TRPM8: variants seen among roughly 807,000 people sequenced by gnomAD.
TRPM8 encodes the protein TRPM8 cationic channel.
Under a neutral mutation model 133.7 loss-of-function variants are expected in TRPM8, and 110 were observed. That is an observed-to-expected ratio of 0.82 (90% CI 0.70 to 0.96). The LOEUF (loss-of-function observed/expected upper bound fraction) is 0.96. Ranked by LOEUF, TRPM8 falls within the 40% of genes least tolerant of loss-of-function variation. TRPM8 has a pLI of 0.00. For missense variants in TRPM8, 1,291 were observed against 1,379.5 expected, an observed-to-expected ratio of 0.94 and a Z score of 1.02; for synonymous variants, 535 against 532.3, an observed-to-expected ratio of 1.01 and a Z score of -0.07.
chr2:233,999,224 C>G (rs1204468350), intron 22 of TRPM8, among the ~76,000 whole-genome samples: 2 of 152,066 alleles, frequency 1.3e-5, no homozygotes, highest in African/African-American at 4.8e-5. Context: ...TGATTGGAAG[C>G]TGGACCCCAG....
At chr2:233,938,853 C>A in intron 4 of TRPM8, 145 bp from the exon 5 acceptor site, 1 of 829,208 alleles carries the variant, frequency 1.2e-6, no homozygotes, top group East Asian at 2.7e-5. Context: ...CGCCTGGGAC[C>A]CCCAATGCCG....
Position 233,996,525 on chromosome 2 carries a change from T to A in TRPM8, c.3130+9T>A, listed in dbSNP as rs1338812378. On this transcript the variant is annotated intron_variant, in intron 22 of 25. Transcript: ENST00000324695. ...GGAGTCTTCTGTCTGCTGTGAGTGG[T>A]TTATCCATGTGTACTTGGGATCAGA... The A allele has an allele frequency of 3.7e-6, 6 of 1,613,630 alleles. 1 individual carries two copies. In the South Asian group the frequency reaches 6.6e-5, roughly 18 times the overall value.
intron 22 of TRPM8, among the ~76,000 whole-genome samples, chr2:233,999,643 G>T (rs578136279): frequency 1.3e-5 from 2 of 152,038 alleles, no homozygotes; most frequent in African/African-American, 2.4e-5. Context: ...GCTTCTCACT[G>T]CCCGTCCTAC....
chr2:234,002,196 G>A (rs1400144387), intron 22 of TRPM8, among the ~76,000 whole-genome samples: 1 of 151,932 alleles, frequency 6.6e-6, no homozygotes, highest in Non-Finnish European at 1.5e-5. Flanking sequence ...AGAGGCAGAG[G>A]CTGAAATGGC....
intron 6 of TRPM8, chr2:233,943,065 A>ATTTTTTT (rs1327271011): frequency 1.6e-5 from 4 of 243,180 alleles, no homozygotes; most frequent in Admixed American, 1.2e-4. Flanking sequence ...CAACTGCAGT[A>ATTTTTTT]TCTTTTTTTT....
intron 3 of TRPM8, among the ~76,000 whole-genome samples, chr2:233,932,103 G>A (rs1691691415): frequency 6.6e-6 from 1 of 152,178 alleles, no homozygotes; most frequent in African/African-American, 2.4e-5. Context: ...AGTTACATAT[G>A]TTCAATCTAA....
rs1021548482 is a variant in TRPM8, at chr2:233,964,633, G to A, written c.1755G>A (p.Arg585=). 7.5e-6 allele frequency: 12 copies of A among 1,601,246 alleles called. No homozygotes were observed. In the Admixed American group the frequency reaches 1.0e-4, roughly 13 times the overall value. ...ELSKVIWEQT[R]GCTLAALGAS... is the part of the protein sequence containing the mutation. Reference sequence around the variant, plus strand: ...TTCTTCACCCCCCTAAAAAGACCAGGGGCTGCACTCTGGCAGCCCTGGGAG... The same window carrying A: ...TTCTTCACCCCCCTAAAAAGACCAGAGGCTGCACTCTGGCAGCCCTGGGAG... Residue 585 remains arginine, a synonymous_variant, in exon 14 of 26, where the codon AGG becomes AGA. Coordinates refer to ENST00000324695, the MANE Select transcript of TRPM8 (RefSeq NM_024080.5).
At chr2:233,927,940 C>T (rs56015328) in intron 2 of TRPM8, among the ~76,000 whole-genome samples, 112 of 63,864 alleles carry the variant, frequency 1.8e-3, no homozygotes, top group African/African-American at 6.6e-3. Context: ...CTCTCTCTCT[C>T]TCTCTCTCTC....
intron 17 of TRPM8, among the ~76,000 whole-genome samples, chr2:233,971,360 C>T (rs191138238): frequency 4.6e-5 from 7 of 152,300 alleles, no homozygotes; most frequent in African/African-American, 1.7e-4. Flanking sequence ...TTCTAGCCGT[C>T]CTGGGTTGAG....
rs1359644368 is a variant in TRPM8 at position 233,963,800 on chromosome 2, ATTACT to A, written c.1749+427_1749+431del. On this transcript the variant is annotated intron_variant, in intron 13 of 25. Coordinates refer to ENST00000324695, the MANE Select transcript of TRPM8 (RefSeq NM_024080.5). ...TTGTAAATGGTTTATGGACACTCACATTACTTTATTTTGAGAGATAAGCTTAGATA... is the reference window on the plus strand; with the variant it reads ...TTGTAAATGGTTTATGGACACTCACATTATTTTGAGAGATAAGCTTAGATA... Among the ~76,000 whole-genome samples, 5 of 152,340 alleles carry A rather than the reference ATTACT, an allele frequency of 3.3e-5. No homozygotes were observed. The East Asian group carries it at 5.8e-4, about 18-fold the overall frequency.
intron 17 of TRPM8, among the ~76,000 whole-genome samples, chr2:233,976,576 A>G (rs1211139028): frequency 6.6e-6 from 1 of 152,094 alleles, no homozygotes; most frequent in Non-Finnish European, 1.5e-5. Context: ...ACCCCTACCT[A>G]TTCTGTCTGC....
chr2:233,965,369 G>A (rs759837288), intron 14 of TRPM8, among the ~76,000 whole-genome samples: 3 of 152,142 alleles, frequency 2.0e-5, no homozygotes, highest in South Asian at 2.1e-4. Flanking sequence ...TGGAGTGGAC[G>A]ATACTGCACT....
At chr2:233,988,787 C>T (rs1178263694) in intron 21 of TRPM8, among the ~76,000 whole-genome samples, 1 of 152,164 alleles carries the variant, frequency 6.6e-6, no homozygotes, top group Non-Finnish European at 1.5e-5. Flanking sequence ...CAGCCAATGT[C>T]ATGATGTCCA....
At chr2:233,963,456 T>C in intron 13 of TRPM8, 79 bp downstream of exon 13, 1 of 805,952 alleles carries the variant, frequency 1.2e-6, no homozygotes, top group African/African-American at 1.7e-5. Context: ...AAAATTCGCA[T>C]GCCTAATATA....
At chr2:233,934,644 G>A (rs1191775008) in intron 3 of TRPM8, among the ~76,000 whole-genome samples, 2 of 152,226 alleles carry the variant, frequency 1.3e-5, no homozygotes. Context: ...AGAAGCATTT[G>A]TTCCTCATTA....
chr2:233,939,111 C>A lies in TRPM8; in HGVS notation c.462C>A (p.Asn154Lys), dbSNP rs750308343. Reference protein sequence around the residue: ...LVISVTGGAKNFALKPRMRKI... With the variant: ...LVISVTGGAKKFALKPRMRKI... Reference sequence around the variant, plus strand: ...TTTCTGTGACCGGGGGCGCCAAGAACTTCGCCCTGAAGCCGCGCATGCGCA... The same window carrying A: ...TTTCTGTGACCGGGGGCGCCAAGAAATTCGCCCTGAAGCCGCGCATGCGCA... The change falls in exon 5 of 26, where the codon AAC becomes AAA. Residue 154 changes from asparagine to lysine, a missense_variant. By Grantham distance (94) the Asn-to-Lys change is moderately conservative. Around this residue, in one of 2 missense-constraint regions of TRPM8, gnomAD observed 963 missense variants for 968.9 expected, o/e 0.99. Coordinates refer to ENST00000324695, the MANE Select transcript of TRPM8 (RefSeq NM_024080.5). 1 of 1,614,216 alleles carries A rather than the reference C, an allele frequency of 6.2e-7. No homozygotes were observed. Among genetic ancestry groups the A allele is most frequent in the Non-Finnish European group, 8.5e-7 (1 of 1,180,054 alleles).
At chr2:233,972,525 G>C (rs775081205) in intron 17 of TRPM8, among the ~76,000 whole-genome samples, 14 of 152,346 alleles carry the variant, frequency 9.2e-5, no homozygotes, top group Middle Eastern at 6.8e-3. Context: ...AGGGGGTGGC[G>C]CTCGTGGAGG....
intron 5 of TRPM8, among the ~76,000 whole-genome samples, chr2:233,940,883 G>A (rs549695425): frequency 1.3e-5 from 2 of 152,338 alleles, no homozygotes; most frequent in South Asian, 4.1e-4. Flanking sequence ...ATGGCGTGGG[G>A]AAAGGTGATA....
In TRPM8 at chr2:233,970,257, C is replaced by G; in HGVS notation, c.2186C>G (p.Ala729Gly). ...AAGAAGCTGCTTTGGTACTATGTGG[C>G]GTTCTTCACCTCCCCCTTCGTGGTC... ...KHKKLLWYYV[A>G]FFTSPFVVFS... is the part of the protein sequence containing the mutation. Residue 729 changes from alanine to glycine, a missense_variant, in exon 17 of 26, where the codon GCG becomes GGG. Ala to Gly is a moderately conservative substitution (Grantham distance 60). Around this residue, in one of 2 missense-constraint regions of TRPM8, gnomAD observed 963 missense variants for 968.9 expected, o/e 0.99. Transcript: ENST00000324695. 1 of 1,614,170 alleles carries G rather than the reference C, an allele frequency of 6.2e-7. No individual in the cohort carries two copies. The highest frequency in any genetic ancestry group is 8.5e-7 in the Non-Finnish European group (1 of 1,180,034).
Sources: gnomAD v4.1 joint callset for allele counts (sites outside exome capture counted in the v4.1 genomes callset) on GRCh38, gnomAD v4.1.1 for gene constraint, gnomAD v4.1.1 regional missense constraint, MANE v1.5 for transcripts, NCBI Gene and HGNC (gene_info 2026-07-23, HGNC 2026-07-21) for gene names.